Variants in ARHGAP44 observed in about 807,000 individuals in gnomAD.
ARHGAP44 encodes the protein rho GTPase-activating protein 44.
Under a neutral mutation model 106.8 loss-of-function variants are expected in ARHGAP44, and 43 were observed. That is an observed-to-expected ratio of 0.40 (90% CI 0.32 to 0.52). The LOEUF is 0.52. Among genes scored for constraint, ARHGAP44 ranks in the 20% least tolerant of loss-of-function variants. The probability of loss-of-function intolerance (pLI) is 0.48; values close to 1 mark genes in which losing one functional copy is unlikely to be tolerated. For missense variants in ARHGAP44, 866 were observed against 1,050.5 expected, an observed-to-expected ratio of 0.82 and a Z score of 2.43; for synonymous variants, 439 against 410.3, an observed-to-expected ratio of 1.07 and a Z score of -0.85.
rs71144930 is a variant in ARHGAP44, at chr17:12,861,644, CT to C, written c.54-33282del. Among the ~76,000 whole-genome samples, 13 of 67,752 alleles carry C rather than the reference CT, an allele frequency of 1.9e-4. No homozygotes were observed. In the East Asian group the frequency reaches 2.1e-3, roughly 11 times the overall value. The allele number at this position is 67,752 out of a possible 152,430, so 44.4% of individuals were successfully genotyped here. A position where few individuals can be genotyped will look rare whatever the true frequency, so the allele number is the denominator to read the frequency against. On this transcript the variant is annotated intron_variant, in intron 1 of 20. Transcript: ENST00000379672. ...AATTCCTCTTCTGCCTCCTCTTCCA[CT>C]TTTTTTTTTTTTTGAGATGGAATCT...
At chr17:12,989,101 C>CCAAAA (rs1598173210) in intron 20 of ARHGAP44, among the ~76,000 whole-genome samples, 33 of 45,170 alleles carry the variant, frequency 7.3e-4, no homozygotes, top group African/African-American at 2.8e-3. Flanking sequence ...CCACCCCCCC[C>CCAAAA]AAAAAAAAAA....
intron 1 of ARHGAP44, among the ~76,000 whole-genome samples, chr17:12,877,728 T>C (rs1209605823): frequency 4.0e-5 from 6 of 151,234 alleles, no homozygotes; most frequent in African/African-American, 1.2e-4. Flanking sequence ...CCAGCCTGGG[T>C]GACAGAGCGA....
chr17:12,945,406 C>G (rs1415359566), intron 10 of ARHGAP44, among the ~76,000 whole-genome samples: 2 of 152,154 alleles, frequency 1.3e-5, no homozygotes. Flanking sequence ...ATTTTAATAT[C>G]TTTACTCCGT....
At chr17:12,976,176 T>G (rs1483970931) in intron 18 of ARHGAP44, among the ~76,000 whole-genome samples, 1 of 151,958 alleles carries the variant, frequency 6.6e-6, no homozygotes. Context: ...ACCCAAATCT[T>G]TCTCCAAACA....
At chr17:12,926,588 G>A (rs569949548) in intron 6 of ARHGAP44, among the ~76,000 whole-genome samples, 1 of 147,558 alleles carries the variant, frequency 6.8e-6, no homozygotes, top group South Asian at 2.1e-4. Context: ...CTTATAAAAA[G>A]GGGAAATGTA....
chr17:12,961,688 C>T (rs1206207406), intron 16 of ARHGAP44, among the ~76,000 whole-genome samples: 3 of 152,090 alleles, frequency 2.0e-5, no homozygotes, highest in Non-Finnish European at 4.4e-5. Flanking sequence ...GAGTCAAGAT[C>T]ACGCCATGCA....
At chr17:12,983,969 G>A (rs1019701994) in intron 19 of ARHGAP44, among the ~76,000 whole-genome samples, 3 of 152,190 alleles carry the variant, frequency 2.0e-5, no homozygotes, top group Admixed American at 6.5e-5. Flanking sequence ...AAGTAATGAA[G>A]GAACAGGGGT....
intron 1 of ARHGAP44, among the ~76,000 whole-genome samples, chr17:12,891,451 G>A (rs2037042754): frequency 6.6e-6 from 1 of 152,204 alleles, no homozygotes; most frequent in South Asian, 2.1e-4. Flanking sequence ...ACATGGGCAG[G>A]AGAGAGCAAG....
intron 3 of ARHGAP44, among the ~76,000 whole-genome samples, chr17:12,900,322 G>A (rs1242885434): frequency 6.6e-6 from 1 of 151,862 alleles, no homozygotes; most frequent in African/African-American, 2.4e-5. Context: ...TAGAGATGGG[G>A]TTTCACCATG....
In ARHGAP44 at chr17:12,811,262, G is replaced by A. The variant is rs569580715; in HGVS notation, c.53+21371G>A. 4.0e-5 allele frequency among the ~76,000 whole-genome samples: 6 copies of A among 149,706 alleles called. No individual in the cohort carries two copies. The South Asian group carries it at 6.3e-4, about 16-fold the overall frequency. ...TGGGAGGCGGAGCTTGCAGTGAGCC[G>A]AGATCGCACCACTGCACTCCAGCCT... is the stretch of plus-strand genomic sequence containing the variant. On this transcript the variant is annotated intron_variant, in intron 1 of 20. Coordinates refer to ENST00000379672, the MANE Select transcript of ARHGAP44 (RefSeq NM_014859.6).
At chr17:12,923,405 G>T (rs147665893) in intron 6 of ARHGAP44, among the ~76,000 whole-genome samples, 1 of 152,084 alleles carries the variant, frequency 6.6e-6, no homozygotes, top group Non-Finnish European at 1.5e-5. Flanking sequence ...TAGTAGAGAC[G>T]GGGTTTCGCC....
intron 1 of ARHGAP44, among the ~76,000 whole-genome samples, chr17:12,851,035 A>G (rs1237600690): frequency 6.6e-6 from 1 of 152,216 alleles, no homozygotes; most frequent in South Asian, 2.1e-4. Context: ...ATAAGATGCT[A>G]TGATCTGTAG....
chr17:12,942,286 A>G (rs1010634588), intron 8 of ARHGAP44, among the ~76,000 whole-genome samples: 1 of 152,196 alleles, frequency 6.6e-6, no homozygotes, highest in African/African-American at 2.4e-5. Flanking sequence ...AGCTGGGACT[A>G]CAGGCGCATG....
intron 1 of ARHGAP44, among the ~76,000 whole-genome samples, chr17:12,792,874 C>T (rs777200328): frequency 1.3e-5 from 2 of 152,182 alleles, no homozygotes; most frequent in Admixed American, 6.5e-5. Flanking sequence ...AGGGCGTCAG[C>T]GACTATGAAA....
At chr17:12,969,687 T>C (rs1219372378) in intron 16 of ARHGAP44, among the ~76,000 whole-genome samples, 1 of 152,198 alleles carries the variant, frequency 6.6e-6, no homozygotes, top group Admixed American at 6.5e-5. Context: ...CATCTCCAGC[T>C]TGTCCACATC....
intron 1 of ARHGAP44, among the ~76,000 whole-genome samples, chr17:12,839,880 G>A (rs554293176): frequency 3.2e-4 from 48 of 152,204 alleles, no homozygotes; most frequent in South Asian, 1.7e-3. Flanking sequence ...CAGGAAAATC[G>A]TGTTAGTTTT....
chr17:12,963,584 GGCCGGCCTTGCACCAAT>G, intron 16 of ARHGAP44, among the ~76,000 whole-genome samples: 1 of 137,948 alleles, frequency 7.2e-6, no homozygotes, highest in Admixed American at 8.0e-5. Flanking sequence ...TGTGCAGACA[GGCCGGCCTTGCACCAAT>G]GCTGTGTGTG....
At chr17:12,887,466 C>T (rs1227088037) in intron 1 of ARHGAP44, among the ~76,000 whole-genome samples, 1 of 152,130 alleles carries the variant, frequency 6.6e-6, no homozygotes, top group East Asian at 1.9e-4. Flanking sequence ...GTCTCAAACT[C>T]CTATCCTCAA....
chr17:12,907,202 A>G (rs1475529692), intron 3 of ARHGAP44, among the ~76,000 whole-genome samples: 1 of 152,204 alleles, frequency 6.6e-6, no homozygotes, highest in Admixed American at 6.5e-5. Context: ...AAGACCTGAG[A>G]AGGTGCTAGT....
Sources: gnomAD v4.1 joint callset for allele counts (sites outside exome capture counted in the v4.1 genomes callset) on GRCh38, gnomAD v4.1.1 for gene constraint, MANE v1.5 for transcripts, NCBI Gene and HGNC (gene_info 2026-07-23, HGNC 2026-07-21) for gene names.